Variants in VPS13C observed in about 807,000 individuals in gnomAD.
VPS13C encodes vacuolar protein sorting 13 homolog C.
VPS13C carries 358 observed loss-of-function variants against 456.8 expected under a neutral mutation model. The ratio of observed to expected loss-of-function variants is 0.78; its 90% CI spans 0.72 to 0.86. The LOEUF (loss-of-function observed/expected upper bound fraction) is 0.86, where lower values mean the gene tolerates loss of function less well. Ranked by LOEUF, VPS13C falls within the 40% of genes least tolerant of loss-of-function variation. The pLI is 0.00. For synonymous variants in VPS13C, 1,578 were observed against 1,486.7 expected (o/e 1.06, Z -1.41); for missense variants, 4,818 against 4,385.4 (o/e 1.10, Z -2.79).
intron 1 of VPS13C, among the ~76,000 whole-genome samples, chr15:62,044,702 C>G (rs1282143598): frequency 6.6e-6 from 1 of 152,078 alleles, no homozygotes; most frequent in Non-Finnish European, 1.5e-5. Flanking sequence ...TTTCATGTCT[C>G]CAAACATTCT....
chr15:61,934,024 T>C (rs17271249), intron 49 of VPS13C, among the ~76,000 whole-genome samples, 195 bp downstream of exon 49: 3,060 of 152,206 alleles, frequency 0.02, 66 homozygotes, highest in South Asian at 0.07. Flanking sequence ...TACTTTGCCT[T>C]AGCCTTGGAA....
intron 42 of VPS13C, among the ~76,000 whole-genome samples, 167 bp from the exon 43 acceptor site, chr15:61,947,476 T>G (rs760053805): frequency 8.5e-5 from 13 of 152,092 alleles, no homozygotes; most frequent in Non-Finnish European, 1.6e-4. Context: ...AATTATCAAA[T>G]TCCAATCTAC....
intron 15 of VPS13C, among the ~76,000 whole-genome samples, chr15:62,002,604 T>C (rs2046668493): frequency 6.6e-6 from 1 of 152,228 alleles, no homozygotes; most frequent in Admixed American, 6.5e-5. Context: ...CATGCCTATG[T>C]CCTGAATGGT....
At chr15:61,906,365 T>C (rs11631970) in intron 66 of VPS13C, among the ~76,000 whole-genome samples, 67,608 of 152,006 alleles carry the variant, frequency 0.44, 15,773 homozygotes, top group Non-Finnish European at 0.51. Flanking sequence ...CATTAAAAAC[T>C]GAAATCCCTG....
intron 19 of VPS13C, among the ~76,000 whole-genome samples, chr15:61,984,275 A>G (rs1314672955): frequency 1.3e-5 from 2 of 152,154 alleles, no homozygotes; most frequent in Non-Finnish European, 2.9e-5. Flanking sequence ...AAAAGTTCTG[A>G]TCACTGTTGT....
intron 6 of VPS13C, among the ~76,000 whole-genome samples, chr15:62,027,219 A>AT (rs954465540): frequency 1.3e-5 from 2 of 151,982 alleles, no homozygotes; most frequent in Admixed American, 1.3e-4. Flanking sequence ...TCTGGACCTC[A>AT]TTTTTTTATC....
Position 61,961,774 on chromosome 15 carries a change from G to A in VPS13C, c.3723C>T (p.Ile1241=). Residue 1241 remains isoleucine (I), a synonymous_variant, in exon 35 of 85, where the codon ATC becomes ATT. Transcript: ENST00000644861. ...TAACCGGTGCTTTCAAATCAATATT[G>A]ATGGAAACACGAAAACTCCTCTGGG... is the stretch of plus-strand genomic sequence containing the variant. ...DLAQRSFRVS[I]NIDLKAPVIV... is the part of the protein sequence containing the mutation. 6.2e-7 allele frequency: 1 copy of A among 1,614,026 alleles called. No individual in the cohort carries two copies. The highest frequency in any genetic ancestry group is 8.5e-7 in the Non-Finnish European group (1 of 1,179,960).
chr15:61,998,890 T>C (rs2046490192), intron 16 of VPS13C, among the ~76,000 whole-genome samples: 1 of 152,234 alleles, frequency 6.6e-6, no homozygotes, highest in Non-Finnish European at 1.5e-5. Context: ...GATCGACTTC[T>C]ACTTACTGAA....
chr15:61,869,647 A>T, intron 79 of VPS13C, 24 bp from the exon 80 acceptor site: 3 of 1,613,108 alleles, frequency 1.9e-6, no homozygotes, highest in Non-Finnish European at 2.5e-6. Context: ...ATGACCATGA[A>T]TGGATAAAGA....
chr15:61,977,267 AT>A (rs1409393220), intron 23 of VPS13C, 68 bp from the exon 24 acceptor site: 5 of 905,040 alleles, frequency 5.5e-6, no homozygotes, highest in Non-Finnish European at 6.4e-6. Context: ...GATAAATATT[AT>A]TTTTAATGAA....
Position 61,984,868 on chromosome 15 carries a change from T to C in VPS13C, c.1710A>G (p.Ala570=), listed in dbSNP as rs2140398354. ...LGTQVSQRPG[A]QALKVEAKLE... is the part of the protein sequence containing the mutation. ...TTTTAAAAACTTACTTAAGTGCTTG[T>C]GCTCCTGGTCGCTGAGATACTTGAG... The change falls in exon 19 of 85, where the codon GCA becomes GCG. Residue 570 remains alanine (A), a synonymous_variant. Transcript: ENST00000644861. The C allele has an allele frequency of 6.2e-7, 1 of 1,613,286 alleles. No homozygotes were observed. The highest frequency in any genetic ancestry group is 1.7e-5 in the Admixed American group (1 of 59,928).
chr15:62,011,567 T>C (rs78666209), intron 12 of VPS13C, among the ~76,000 whole-genome samples: 1,668 of 151,898 alleles, frequency 0.011, 41 homozygotes, highest in African/African-American at 0.039. Context: ...AAAAAACCAA[T>C]AGCTTCATTA....
chr15:61,874,239 A>T (rs1895247783), intron 77 of VPS13C, among the ~76,000 whole-genome samples: 1 of 152,048 alleles, frequency 6.6e-6, no homozygotes, highest in Non-Finnish European at 1.5e-5. Flanking sequence ...ACAACCAGAT[A>T]GGAGAATAAG....
At chr15:62,033,646 G>A in intron 4 of VPS13C, 104 bp from the exon 5 acceptor site, 1 of 590,110 alleles carries the variant, frequency 1.7e-6, no homozygotes, top group South Asian at 5.4e-5. Context: ...TAATCCTTCT[G>A]CAATACAAAA....
intron 65 of VPS13C, among the ~76,000 whole-genome samples, chr15:61,908,041 G>T (rs1016220276): frequency 6.6e-6 from 1 of 152,176 alleles, no homozygotes; most frequent in Admixed American, 6.5e-5. Flanking sequence ...ATTACCTGGG[G>T]TCTTGCAGGA....
intron 35 of VPS13C, among the ~76,000 whole-genome samples, chr15:61,961,307 G>A (rs1316977078): frequency 4.0e-5 from 6 of 151,340 alleles, no homozygotes; most frequent in African/African-American, 1.5e-4. Flanking sequence ...CAGGAGGATT[G>A]CTTGAACCCA....
intron 81 of VPS13C, chr15:61,865,269 A>T: frequency 1.0e-6 from 1 of 982,360 alleles, no homozygotes; most frequent in Non-Finnish European, 1.2e-6. Flanking sequence ...ATAAAAAAGC[A>T]AAATCTATAA....
rs796155375 is a variant in VPS13C at position 62,005,534 on chromosome 15, T to C, written c.1290+1774A>G. ...CCATTTACATTTAAAGTTAATATTGTTATGTGTGAATTTGATCCTGTCATT... is the reference window on the plus strand; with the variant it reads ...CCATTTACATTTAAAGTTAATATTGCTATGTGTGAATTTGATCCTGTCATT... On this transcript the variant is annotated intron_variant, in intron 15 of 84. Transcript: ENST00000644861. Among the ~76,000 whole-genome samples the C allele has an allele frequency of 1.3e-5, 2 of 152,168 alleles. 1 individual carries two copies. The highest frequency in any genetic ancestry group is 4.2e-4 in the South Asian group (2 of 4,814).
chr15:61,897,337 C>T (rs1214317373), intron 66 of VPS13C, among the ~76,000 whole-genome samples: 1 of 151,996 alleles, frequency 6.6e-6, no homozygotes, highest in Non-Finnish European at 1.5e-5. Flanking sequence ...CAAAGGCAAA[C>T]AAGTTGAAAA....
Sources: allele counts gnomAD v4.1 joint callset (sites outside exome capture counted in the v4.1 genomes callset), GRCh38; gene constraint gnomAD v4.1.1; transcripts MANE v1.5; gene names NCBI Gene and HGNC (gene_info 2026-07-23, HGNC 2026-07-21).